The following GHR variants were observed in gnomAD, a reference collection of about 807,000 sequenced individuals.
The protein encoded by GHR is GH receptor.
In GHR, 35 loss-of-function variants were observed where a neutral mutation model predicts 67.1. That is an observed-to-expected ratio of 0.52 (90% CI 0.40 to 0.69). The LOEUF (loss-of-function observed/expected upper bound fraction) is 0.69. GHR is among the 30% of genes least tolerant of loss of function. The pLI is 0.00. For synonymous variants in GHR, 272 were observed against 269.1 expected (o/e 1.01, Z -0.10); for missense variants, 792 against 764.6 (o/e 1.04, Z -0.42).
chr5:42,623,712 T>C (rs541593774), intron 2 of GHR, among the ~76,000 whole-genome samples: 8 of 152,286 alleles, frequency 5.3e-5, no homozygotes, highest in Non-Finnish European at 8.8e-5. Flanking sequence ...CCTAGAAAAA[T>C]GTGGGCTCAC....
In GHR at chr5:42,719,530, G is replaced by C. The variant is rs1247960697; in HGVS notation, c.*106G>C. On this transcript the variant is annotated 3_prime_UTR_variant, in exon 10 of 10. Transcript: ENST00000230882. ...TTAAACCTTTTTTGGGGGAGTGACAGGATGGGGTATGGATTCTAAAATGCC... is the reference window on the plus strand; with the variant it reads ...TTAAACCTTTTTTGGGGGAGTGACACGATGGGGTATGGATTCTAAAATGCC... 9.5e-7 allele frequency: 1 copy of C among 1,058,076 alleles called. No homozygotes were observed. The highest frequency in any genetic ancestry group is 2.4e-5 in the East Asian group (1 of 42,386). 65.5% of individuals were successfully genotyped at this position (1,058,076 alleles called of 1,614,324 possible).
intron 2 of GHR, among the ~76,000 whole-genome samples, chr5:42,608,970 A>C (rs1348292786): frequency 6.6e-6 from 1 of 152,184 alleles, no homozygotes; most frequent in African/African-American, 2.4e-5. Context: ...TAATTTAAAA[A>C]TAAAAACTTA....
intron 1 of GHR, among the ~76,000 whole-genome samples, chr5:42,535,587 T>C (rs536566538): frequency 8.9e-4 from 136 of 152,250 alleles, no homozygotes; most frequent in Admixed American, 3.9e-3. Flanking sequence ...AATCAGGCAG[T>C]GTGATTCCTC....
At chr5:42,710,115 T>C (rs1168018142) in intron 6 of GHR, among the ~76,000 whole-genome samples, 1 of 151,912 alleles carries the variant, frequency 6.6e-6, no homozygotes, top group East Asian at 1.9e-4. Flanking sequence ...AAAGAAAGCA[T>C]TTTAGGCATG....
chr5:42,428,388 T>C (rs761068349), intron 1 of GHR, among the ~76,000 whole-genome samples: 15 of 152,222 alleles, frequency 9.9e-5, no homozygotes, highest in Non-Finnish European at 1.6e-4. Flanking sequence ...TTTTCCCTCG[T>C]AGGCCTCTGG....
At chr5:42,572,047 A>G (rs1750353345) in intron 2 of GHR, among the ~76,000 whole-genome samples, 1 of 152,204 alleles carries the variant, frequency 6.6e-6, no homozygotes, top group South Asian at 2.1e-4. Flanking sequence ...CAGTCACCCC[A>G]GCAGCTTTTC....
intron 1 of GHR, among the ~76,000 whole-genome samples, chr5:42,495,020 C>A (rs1016846536): frequency 1.3e-5 from 2 of 151,994 alleles, no homozygotes; most frequent in Non-Finnish European, 2.9e-5. Context: ...ACATGCTAGC[C>A]TCCATGTTGT....
intron 1 of GHR, among the ~76,000 whole-genome samples, chr5:42,486,872 ATTTAACTTTT>A (rs1425693951): frequency 2.0e-5 from 3 of 151,990 alleles, no homozygotes; most frequent in Non-Finnish European, 2.9e-5. Flanking sequence ...AAGAAACCAA[ATTTAACTTTT>A]TTTAATGGAT....
chr5:42,684,509 T>TA (rs1212792408), intron 3 of GHR, among the ~76,000 whole-genome samples: 6 of 152,222 alleles, frequency 3.9e-5, no homozygotes, highest in Non-Finnish European at 8.8e-5. Flanking sequence ...CAACTAATAG[T>TA]AAAAAGGAAT....
At chr5:42,657,893 T>C (rs1156346170) in intron 3 of GHR, among the ~76,000 whole-genome samples, 1 of 152,200 alleles carries the variant, frequency 6.6e-6, no homozygotes, top group Non-Finnish European at 1.5e-5. Flanking sequence ...GGTATTCTTC[T>C]GAGTAGGTGG....
At chr5:42,711,471 T>A in intron 7 of GHR, 99 bp downstream of exon 7, 1 of 822,424 alleles carries the variant, frequency 1.2e-6, no homozygotes, top group Non-Finnish European at 2.1e-6. Flanking sequence ...CAAATCAAAA[T>A]ATATTAACAT....
intron 2 of GHR, among the ~76,000 whole-genome samples, chr5:42,599,512 C>A (rs1752254787): frequency 6.6e-6 from 1 of 151,854 alleles, no homozygotes; most frequent in Admixed American, 6.6e-5. Context: ...AGGTGCCCAC[C>A]ACCACACCTG....
intron 1 of GHR, chr5:42,465,930 C>G (rs544263336): frequency 2.9e-6 from 2 of 700,284 alleles, no homozygotes; most frequent in African/African-American, 3.5e-5. Flanking sequence ...GGTCTCCTTT[C>G]TGGTCTTCTA....
At chr5:42,569,727 A>G (rs888421911) in intron 2 of GHR, among the ~76,000 whole-genome samples, 2 of 147,678 alleles carry the variant, frequency 1.4e-5, no homozygotes, top group African/African-American at 2.5e-5. Context: ...ATATGTACAC[A>G]TATACATATA....
At chr5:42,567,311 A>C (rs1749997348) in intron 2 of GHR, among the ~76,000 whole-genome samples, 1 of 152,240 alleles carries the variant, frequency 6.6e-6, no homozygotes, top group Non-Finnish European at 1.5e-5. Flanking sequence ...CCCAGCTGAG[A>C]GATTAGAGCT....
At chr5:42,538,718 A>T (rs958305830) in intron 1 of GHR, among the ~76,000 whole-genome samples, 1 of 152,148 alleles carries the variant, frequency 6.6e-6, no homozygotes, top group African/African-American at 2.4e-5. Context: ...TTAGATATCT[A>T]GGTCTCTAGC....
chr5:42,511,747 T>G (rs1747027261), intron 1 of GHR, among the ~76,000 whole-genome samples: 1 of 152,126 alleles, frequency 6.6e-6, no homozygotes, highest in African/African-American at 2.4e-5. Context: ...AAACCTGGTT[T>G]TATGTCTTCC....
intron 1 of GHR, among the ~76,000 whole-genome samples, chr5:42,437,674 A>T (rs907051714): frequency 8.6e-5 from 13 of 151,934 alleles, no homozygotes; most frequent in African/African-American, 2.7e-4. Flanking sequence ...CTGCCTCCTG[A>T]GTAGGTGGGA....
chr5:42,556,456 T>C (rs907572823), intron 1 of GHR, among the ~76,000 whole-genome samples: 4 of 152,152 alleles, frequency 2.6e-5, no homozygotes, highest in Non-Finnish European at 4.4e-5. Context: ...TTAAGGAACA[T>C]TTTCCATGAT....
Sources: gnomAD v4.1 joint callset for allele counts (sites outside exome capture counted in the v4.1 genomes callset) on GRCh38, gnomAD v4.1.1 for gene constraint, MANE v1.5 for transcripts, NCBI Gene and HGNC (gene_info 2026-07-23, HGNC 2026-07-21) for gene names.